The following MSRA variants were observed in gnomAD, a reference collection of about 807,000 sequenced individuals.
MSRA encodes mitochondrial peptide methionine sulfoxide reductase.
Under a neutral mutation model 31.3 loss-of-function variants are expected in MSRA, and 54 were observed. That is an observed-to-expected ratio of 1.73 (90% CI 1.39 to 2.17). The LOEUF is 2.17. MSRA is among the 30% of genes most tolerant of loss of function. The probability of loss-of-function intolerance (pLI) is 0.00; values close to 1 mark genes in which losing one functional copy is unlikely to be tolerated. For missense variants in MSRA, 507 were observed against 300.9 expected (o/e 1.69, Z -5.07); for synonymous variants, 169 against 116.5 (o/e 1.45, Z -2.90).
intron 2 of MSRA, among the ~76,000 whole-genome samples, chr8:10,236,158 AGTAAATCTC>A (rs1198834396): frequency 6.6e-6 from 1 of 152,216 alleles, no homozygotes; most frequent in Non-Finnish European, 1.5e-5. Context: ...AAAAACCTAC[AGTAAATCTC>A]ATATTTATTG....
chr8:10,400,084 G>C (rs1807354090), intron 5 of MSRA, among the ~76,000 whole-genome samples: 2 of 152,084 alleles, frequency 1.3e-5, no homozygotes, highest in African/African-American at 2.4e-5. Flanking sequence ...GTGTGTGAAG[G>C]TGGGAGGTAG....
chr8:10,209,296 GTC>G (rs1809277638), intron 2 of MSRA, among the ~76,000 whole-genome samples: 1 of 152,112 alleles, frequency 6.6e-6, no homozygotes, highest in South Asian at 2.1e-4. Flanking sequence ...TTATTTTCCA[GTC>G]TCTCAGATTC....
chr8:10,358,794 G>A (rs558484231), intron 5 of MSRA, among the ~76,000 whole-genome samples: 12 of 148,218 alleles, frequency 8.1e-5, no homozygotes, highest in East Asian at 2.0e-4. Flanking sequence ...GGGTTTCACC[G>A]TTTTAGCCGG....
intron 1 of MSRA, among the ~76,000 whole-genome samples, chr8:10,117,519 T>A (rs575164166): frequency 2.2e-4 from 34 of 152,340 alleles, no homozygotes; most frequent in Non-Finnish European, 4.1e-4. Flanking sequence ...TTCCTTGATA[T>A]ACATGTAAGT....
intron 1 of MSRA, among the ~76,000 whole-genome samples, chr8:10,110,035 T>C (rs759113699): frequency 6.6e-6 from 1 of 152,142 alleles, no homozygotes; most frequent in Non-Finnish European, 1.5e-5. Context: ...TTTCAGTCCG[T>C]CCTTGGCTCT....
rs1375900008 is a variant in MSRA at position 10,308,615 on chromosome 8, G to T, written c.436+6977G>T. ...CTTTACAGTGGCCAGTGTGGCCTGG[G>T]ATTACCTGATTGGCACTTGCCTTTC... On this transcript the variant is annotated intron_variant, in intron 4 of 5. Coordinates refer to ENST00000317173, the MANE Select transcript of MSRA (RefSeq NM_012331.5). Among the ~76,000 whole-genome samples the T allele has an allele frequency of 2.6e-5, 4 of 152,242 alleles. No homozygotes were observed. The East Asian group carries it at 7.7e-4, about 29-fold the overall frequency.
chr8:10,405,396 G>A (rs998046081), intron 5 of MSRA, among the ~76,000 whole-genome samples: 22 of 152,184 alleles, frequency 1.4e-4, no homozygotes, highest in Non-Finnish European at 2.5e-4. Flanking sequence ...GACATCTGGC[G>A]CGAGATGGTC....
intron 1 of MSRA, among the ~76,000 whole-genome samples, chr8:10,138,081 AGAGCCTTG>A (rs1422063864): frequency 6.6e-6 from 1 of 152,188 alleles, no homozygotes; most frequent in Non-Finnish European, 1.5e-5. Context: ...AGATGAAATA[AGAGCCTTG>A]GCTTCTTGGA....
intron 2 of MSRA, among the ~76,000 whole-genome samples, chr8:10,208,702 T>A (rs1809226843): frequency 6.6e-6 from 1 of 152,198 alleles, no homozygotes; most frequent in South Asian, 2.1e-4. Flanking sequence ...CTCTGGAATT[T>A]CAACTGGGCA....
intron 5 of MSRA, among the ~76,000 whole-genome samples, chr8:10,347,940 T>C (rs1056601857): frequency 6.6e-6 from 1 of 152,240 alleles, no homozygotes; most frequent in Non-Finnish European, 1.5e-5. Flanking sequence ...TGCAGATGTC[T>C]TCTTTCCCTT....
intron 1 of MSRA, among the ~76,000 whole-genome samples, chr8:10,085,698 T>G (rs895389833): frequency 2.0e-5 from 3 of 152,244 alleles, no homozygotes; most frequent in African/African-American, 7.2e-5. Context: ...CTGTCCAGTT[T>G]TAGAACACTG....
At chr8:10,399,232 A>G (rs1463556481) in intron 5 of MSRA, among the ~76,000 whole-genome samples, 2 of 152,216 alleles carry the variant, frequency 1.3e-5, no homozygotes, top group Admixed American at 1.3e-4. Context: ...AGATCTGACA[A>G]TGTCTAGGGG....
chr8:10,069,538 G>C (rs564384888), intron 1 of MSRA, among the ~76,000 whole-genome samples: 1 of 152,372 alleles, frequency 6.6e-6, no homozygotes, highest in African/African-American at 2.4e-5. Context: ...AGCAAGTTCA[G>C]TTGTCTGCTG....
intron 3 of MSRA, among the ~76,000 whole-genome samples, chr8:10,251,399 A>G (rs1797909382): frequency 6.6e-6 from 1 of 152,122 alleles, no homozygotes; most frequent in African/African-American, 2.4e-5. Flanking sequence ...TTTAGTGCAT[A>G]GTCAGTCTTA....
At chr8:10,259,762 C>T (rs946276443) in intron 3 of MSRA, among the ~76,000 whole-genome samples, 1 of 152,156 alleles carries the variant, frequency 6.6e-6, no homozygotes, top group Non-Finnish European at 1.5e-5. Flanking sequence ...TGCTTTCCAC[C>T]CTCTCCCGGA....
intron 1 of MSRA, among the ~76,000 whole-genome samples, chr8:10,201,166 C>T (rs1297753362): frequency 1.3e-5 from 2 of 152,126 alleles, no homozygotes; most frequent in African/African-American, 4.8e-5. Flanking sequence ...ATGCACTTTA[C>T]TCCAGCCCCA....
chr8:10,177,019 G>C (rs1429175282), intron 1 of MSRA, among the ~76,000 whole-genome samples: 1 of 152,224 alleles, frequency 6.6e-6, no homozygotes. Flanking sequence ...TGGAGCTCCT[G>C]TTTCTCAATA....
intron 5 of MSRA, among the ~76,000 whole-genome samples, chr8:10,393,061 C>CAAAAA (rs768294679): frequency 3.9e-5 from 3 of 77,682 alleles, no homozygotes; most frequent in African/African-American, 1.1e-4. Context: ...GACTCCGTCT[C>CAAAAA]AAAAAAAAAA....
intron 1 of MSRA, among the ~76,000 whole-genome samples, chr8:10,055,190 C>T (rs1271167004): frequency 6.6e-6 from 1 of 152,118 alleles, no homozygotes; most frequent in Non-Finnish European, 1.5e-5. Flanking sequence ...CTAGTCACCC[C>T]TCGTGCCCTA....
Sources: gnomAD v4.1 joint callset for allele counts (sites outside exome capture counted in the v4.1 genomes callset) on GRCh38, gnomAD v4.1.1 for gene constraint, MANE v1.5 for transcripts, NCBI Gene and HGNC (gene_info 2026-07-23, HGNC 2026-07-21) for gene names.